GRIK2: variants seen among roughly 807,000 people sequenced by gnomAD.
The protein encoded by GRIK2 is glutamate ionotropic receptor kainate type subunit 2, also known as glutamate receptor ionotropic, kainate 2.
A neutral mutation model predicts 100.3 loss-of-function variants in GRIK2; 32 were observed. That is an observed-to-expected ratio of 0.32 (90% CI 0.24 to 0.43). GRIK2 has a LOEUF of 0.43. GRIK2 is among the 20% of genes least tolerant of loss of function. GRIK2 has a pLI of 1.00. For synonymous variants in GRIK2, 417 were observed against 389.4 expected (o/e 1.07, Z -0.83); for missense variants, 843 against 1,114.9 (o/e 0.76, Z 3.47).
chr6:101,443,873 A>G (rs1005211232), intron 2 of GRIK2, among the ~76,000 whole-genome samples: 1 of 151,260 alleles, frequency 6.6e-6, no homozygotes, highest in Non-Finnish European at 1.5e-5. Flanking sequence ...TTATTTTAAA[A>G]TTTATTTTAT....
intron 2 of GRIK2, among the ~76,000 whole-genome samples, chr6:101,535,806 G>A (rs1775663865): frequency 6.6e-6 from 1 of 151,448 alleles, no homozygotes; most frequent in Non-Finnish European, 1.5e-5. Context: ...TCTCGTTGCT[G>A]CAAAATGCTG....
intron 7 of GRIK2, among the ~76,000 whole-genome samples, chr6:101,794,378 A>G (rs6925630): frequency 0.026 from 3,882 of 152,072 alleles, 173 homozygotes; most frequent in African/African-American, 0.088. Context: ...AATTTCTTGT[A>G]GGCAGTATAT....
intron 7 of GRIK2, among the ~76,000 whole-genome samples, chr6:101,759,034 T>C (rs1203710203): frequency 2.6e-5 from 4 of 152,214 alleles, no homozygotes; most frequent in African/African-American, 9.6e-5. Flanking sequence ...GTAATATTCA[T>C]TTAAAGTCCT....
intron 2 of GRIK2, among the ~76,000 whole-genome samples, chr6:101,454,859 A>G (rs1453556104): frequency 6.6e-6 from 1 of 152,070 alleles, no homozygotes; most frequent in Non-Finnish European, 1.5e-5. Context: ...AGCCTGGTAG[A>G]TTTTCAAGAT....
intron 7 of GRIK2, among the ~76,000 whole-genome samples, chr6:101,765,291 C>T (rs1217154495): frequency 6.6e-6 from 1 of 152,074 alleles, no homozygotes. Flanking sequence ...AAAGGCAGAC[C>T]CTACATATAT....
intron 2 of GRIK2, among the ~76,000 whole-genome samples, chr6:101,616,989 G>A (rs1436777297): frequency 6.6e-6 from 1 of 151,370 alleles, no homozygotes; most frequent in African/African-American, 2.4e-5. Context: ...CTTGTAAAAT[G>A]TATTATATTT....
chr6:101,710,482 C>A (rs1304883356), intron 7 of GRIK2, among the ~76,000 whole-genome samples: 1 of 151,842 alleles, frequency 6.6e-6, no homozygotes, highest in Non-Finnish European at 1.5e-5. Flanking sequence ...TTTTCAGTTG[C>A]AGAAATTTTA....
intron 2 of GRIK2, among the ~76,000 whole-genome samples, chr6:101,423,489 C>G (rs9390745): frequency 6.6e-6 from 1 of 151,908 alleles, no homozygotes; most frequent in African/African-American, 2.4e-5. Flanking sequence ...TGAAAGTAGA[C>G]TAACAGATAT....
At chr6:101,412,250 G>T (rs1655539230) in intron 2 of GRIK2, among the ~76,000 whole-genome samples, 1 of 152,002 alleles carries the variant, frequency 6.6e-6, no homozygotes, top group South Asian at 2.1e-4. Context: ...TAGATAAATT[G>T]TTAATAATTG....
intron 4 of GRIK2, among the ~76,000 whole-genome samples, chr6:101,626,858 T>C (rs1448022244): frequency 6.6e-6 from 1 of 152,074 alleles, no homozygotes; most frequent in East Asian, 1.9e-4. Context: ...AATAAGCATT[T>C]TTTTATTCCT....
intron 4 of GRIK2, among the ~76,000 whole-genome samples, chr6:101,675,306 C>CACA (rs1554243016): frequency 1.3e-5 from 2 of 149,206 alleles, no homozygotes; most frequent in Non-Finnish European, 3.0e-5. Context: ...CACACACACA[C>CACA]CACACACACA....
At chr6:101,549,501 A>G (rs1260722926) in intron 2 of GRIK2, among the ~76,000 whole-genome samples, 1 of 152,088 alleles carries the variant, frequency 6.6e-6, no homozygotes. Context: ...CAATATATAT[A>G]CAATGACCTT....
intron 14 of GRIK2, among the ~76,000 whole-genome samples, chr6:101,956,620 G>A (rs1157067985): frequency 1.3e-5 from 2 of 151,744 alleles, no homozygotes; most frequent in Non-Finnish European, 2.9e-5. Flanking sequence ...ACTTTTAAAT[G>A]AGAATATGAG....
chr6:101,641,597 T>A (rs973253779), intron 4 of GRIK2, among the ~76,000 whole-genome samples: 1 of 151,948 alleles, frequency 6.6e-6, no homozygotes, highest in Non-Finnish European at 1.5e-5. Context: ...AGATCAATAT[T>A]TAAAATATAA....
intron 2 of GRIK2, among the ~76,000 whole-genome samples, chr6:101,609,374 A>G (rs1462018477): frequency 6.6e-6 from 1 of 151,876 alleles, no homozygotes; most frequent in East Asian, 1.9e-4. Context: ...AATTTTTAAA[A>G]TAAATTCTAG....
intron 2 of GRIK2, among the ~76,000 whole-genome samples, chr6:101,411,366 T>C (rs1775875207): frequency 6.6e-6 from 1 of 152,110 alleles, no homozygotes; most frequent in Admixed American, 6.6e-5. Flanking sequence ...GGAAAGGGGC[T>C]TTACATAATT....
intron 2 of GRIK2, chr6:101,431,236 T>C (rs1769372826): frequency 5.8e-6 from 1 of 171,154 alleles, no homozygotes; most frequent in Admixed American, 6.3e-5. Context: ...TTGGAAATAA[T>C]GCTGTGCTTG....
intron 2 of GRIK2, among the ~76,000 whole-genome samples, chr6:101,489,594 T>G (rs926258663): frequency 6.8e-6 from 1 of 146,552 alleles, no homozygotes; most frequent in East Asian, 1.9e-4. Context: ...TTACTGTGTT[T>G]TGTAATCTAG....
At chr6:102,042,572 A>G (rs1770647652) in intron 15 of GRIK2, among the ~76,000 whole-genome samples, 1 of 151,664 alleles carries the variant, frequency 6.6e-6, no homozygotes, top group African/African-American at 2.4e-5. Flanking sequence ...ACTGTCTTGA[A>G]AAAGATATAT....
Sources: allele counts gnomAD v4.1 joint callset (sites outside exome capture counted in the v4.1 genomes callset), GRCh38; gene constraint gnomAD v4.1.1; transcripts MANE v1.5; gene names NCBI Gene and HGNC (gene_info 2026-07-23, HGNC 2026-07-21).